The following CLDN14 variants were observed in gnomAD, a reference collection of about 807,000 sequenced individuals.
The protein encoded by CLDN14 is claudin-14.
Under a neutral mutation model 2.1 loss-of-function variants are expected in CLDN14, and 2 were observed. That is an observed-to-expected ratio of 0.96 (90% CI 0.39 to 3.01). CLDN14 has a LOEUF of 3.01. Ranked by LOEUF, CLDN14 falls within the 30% of genes most tolerant of loss-of-function variation. The pLI is 0.09. For synonymous variants in CLDN14, 136 were observed against 154.4 expected (o/e 0.88, Z 0.88); for missense variants, 298 against 328.0 (o/e 0.91, Z 0.71).
rs128494 is a variant in CLDN14, at chr21:36,461,960, T to C, written c.-81-184A>G. Among the ~76,000 whole-genome samples the C allele has an allele frequency of 0.72, 109,030 of 152,092 alleles. 39,571 individuals carry two copies. Among genetic ancestry groups the C allele is most frequent in the Middle Eastern group, 0.85 (247 of 292 alleles). The stretch of plus-strand genomic sequence containing the variant: ...GAGAGTAACTGCTTTCCTGGGAAGG[T>C]GGGATCTGAAGGGATGACAGCCGGA... On this transcript the variant is annotated intron_variant, in intron 1 of 1. Transcript: ENST00000399135.
chr21:36,493,648 G>T (rs139496621), intron 2 of CLDN14, among the ~76,000 whole-genome samples: 1 of 152,098 alleles, frequency 6.6e-6, no homozygotes, highest in East Asian at 1.9e-4. Flanking sequence ...CCTAGCGGCC[G>T]CACACTTGTC....
At chr21:36,527,686 A>G (rs2087344577) in intron 1 of CLDN14, among the ~76,000 whole-genome samples, 1 of 152,246 alleles carries the variant, frequency 6.6e-6, no homozygotes, top group Admixed American at 6.5e-5. Flanking sequence ...TCAACTGTCC[A>G]GGGAGAAAAT....
intron 1 of CLDN14, among the ~76,000 whole-genome samples, chr21:36,518,885 A>G (rs2087248402): frequency 6.6e-6 from 1 of 152,242 alleles, no homozygotes; most frequent in African/African-American, 2.4e-5. Flanking sequence ...TCCTTCTCAC[A>G]GGAGATCATA....
intron 2 of CLDN14, among the ~76,000 whole-genome samples, chr21:36,489,202 G>GAGAGAA (rs1275363045): frequency 8.2e-6 from 1 of 122,278 alleles, no homozygotes; most frequent in Non-Finnish European, 1.6e-5. Flanking sequence ...GGGAGAGAGA[G>GAGAGAA]AGAGAAAGAG....
At chr21:36,518,045 G>A (rs528917743) in intron 1 of CLDN14, among the ~76,000 whole-genome samples, 2 of 148,934 alleles carry the variant, frequency 1.3e-5, no homozygotes, top group East Asian at 2.0e-4. Flanking sequence ...TGTCAATTCC[G>A]TAAAATAAAT....
At chr21:36,473,844 A>G (rs2086740602) in intron 1 of CLDN14, among the ~76,000 whole-genome samples, 1 of 152,208 alleles carries the variant, frequency 6.6e-6, no homozygotes, top group African/African-American at 2.4e-5. Context: ...TGAACGGTCA[A>G]CCCAGAGGAG....
At chr21:36,478,779 G>A (rs139922158) in intron 1 of CLDN14, among the ~76,000 whole-genome samples, 31 of 152,300 alleles carry the variant, frequency 2.0e-4, no homozygotes, top group African/African-American at 7.0e-4. Flanking sequence ...CAAGGTTTGG[G>A]GACGGTCTCA....
chr21:36,508,039 CAGCCAGGGAGAG>C lies in CLDN14; in HGVS notation c.-82+2312_-82+2323del, dbSNP rs2087149112. Reference sequence around the variant, plus strand: ...ACATACATATCACACTCTGTGCTCTCAGCCAGGGAGAGCTGGGGAAGGAGATTGTCTTTGGAG... The same window carrying C: ...ACATACATATCACACTCTGTGCTCTCCTGGGGAAGGAGATTGTCTTTGGAG... On this transcript the variant is annotated intron_variant, in intron 2 of 2. Transcript: ENST00000342108. Among the ~76,000 whole-genome samples, 9 of 152,228 alleles carry C rather than the reference CAGCCAGGGAGAG, an allele frequency of 5.9e-5. 1 individual carries two copies. Among genetic ancestry groups the C allele is most frequent in the Admixed American group, 2.0e-4 (3 of 15,286 alleles).
chr21:36,494,590 G>T (rs370315825), intron 2 of CLDN14, among the ~76,000 whole-genome samples: 1 of 152,192 alleles, frequency 6.6e-6, no homozygotes, highest in South Asian at 2.1e-4. Flanking sequence ...ACAAAGAGGC[G>T]ATTCAGTTAA....
In CLDN14 at chr21:36,500,148, G is replaced by T. The variant is rs139711899; in HGVS notation, c.-82+10215C>A. Among the ~76,000 whole-genome samples the T allele has an allele frequency of 1.9e-3, 295 of 152,246 alleles. 1 individual carries two copies. The highest frequency in any genetic ancestry group is 6.5e-3 in the African/African-American group (269 of 41,540). The stretch of plus-strand genomic sequence containing the variant: ...TCTGTTTATGGCAAGTTAGCACACG[G>T]CCCCATATCCAGGAGCCTAACACCA... On this transcript the variant is annotated intron_variant, in intron 2 of 2. Coordinates refer to the CLDN14 transcript ENST00000342108.
intron 2 of CLDN14, among the ~76,000 whole-genome samples, chr21:36,495,162 T>C (rs559781834): frequency 2.2e-4 from 34 of 152,230 alleles, no homozygotes; most frequent in African/African-American, 8.2e-4. Flanking sequence ...ACCCCTTCTC[T>C]ACTAAAAAAT....
intron 1 of CLDN14, among the ~76,000 whole-genome samples, chr21:36,465,005 G>A (rs1397601720): frequency 6.6e-6 from 1 of 152,208 alleles, no homozygotes; most frequent in Admixed American, 6.5e-5. Context: ...GGTTTGGGCA[G>A]CCAGGGCAAC....
rs1342422128 is a variant in CLDN14 at position 36,498,541 on chromosome 21, A to G, written c.-82+11822T>C. Among the ~76,000 whole-genome samples the G allele has an allele frequency of 6.6e-6, 1 of 152,166 alleles. No homozygotes were observed. The highest frequency in any genetic ancestry group is 1.5e-5 in the Non-Finnish European group (1 of 68,040). On this transcript the variant is annotated intron_variant, in intron 2 of 2. Transcript: ENST00000342108. The surrounding 1 kb of genome is among the most constrained non-coding windows in gnomAD (Gnocchi z 4.9). ...TTCCAGTCTCAGATTGGATACATGC[A>G]CTTAATATCAGCAGACTTGTTGTGA...
At chr21:36,556,337 T>C (rs1009893696) in intron 1 of CLDN14, among the ~76,000 whole-genome samples, 1 of 152,164 alleles carries the variant, frequency 6.6e-6, no homozygotes, top group Admixed American at 6.5e-5. Context: ...TACACAGCGA[T>C]GGATGAAGAA....
At chr21:36,537,989 ATGTG>A (rs34437515) in intron 1 of CLDN14, among the ~76,000 whole-genome samples, 46 of 149,172 alleles carry the variant, frequency 3.1e-4, no homozygotes, top group Middle Eastern at 6.9e-3. Flanking sequence ...TCAAAACAAA[ATGTG>A]TGTGTGTGTG....
intron 2 of CLDN14, among the ~76,000 whole-genome samples, chr21:36,504,173 T>C (rs2087112105): frequency 6.6e-6 from 1 of 151,064 alleles, no homozygotes; most frequent in Non-Finnish European, 1.5e-5. Flanking sequence ...ATCCCATCTA[T>C]ATGTAAAAAT....
chr21:36,566,162 T>G (rs544848739), intron 1 of CLDN14, among the ~76,000 whole-genome samples: 1 of 152,354 alleles, frequency 6.6e-6, no homozygotes, highest in South Asian at 2.1e-4. Context: ...ATGAAATACT[T>G]AAACCAGTTT....
intron 1 of CLDN14, among the ~76,000 whole-genome samples, chr21:36,473,783 G>A (rs2086739358): frequency 6.6e-6 from 1 of 152,204 alleles, no homozygotes; most frequent in Non-Finnish European, 1.5e-5. Flanking sequence ...GGAGGGATGA[G>A]GATAGAGGTA....
At chr21:36,535,959 C>T (rs2087421310) in intron 1 of CLDN14, among the ~76,000 whole-genome samples, 1 of 152,218 alleles carries the variant, frequency 6.6e-6, no homozygotes, top group African/African-American at 2.4e-5. Context: ...CTCCCCCACC[C>T]TCGGAAAGTA....
Sources: gnomAD v4.1 joint callset for allele counts (sites outside exome capture counted in the v4.1 genomes callset) on GRCh38, gnomAD v4.1.1 for gene constraint, Gnocchi (gnomAD v3.1) non-coding constraint, MANE v1.5 for transcripts, NCBI Gene and HGNC (gene_info 2026-07-23, HGNC 2026-07-21) for gene names.